The following SLC44A1 variants were observed in gnomAD, a reference collection of about 807,000 sequenced individuals.
SLC44A1 encodes solute carrier family 44 member 1.
SLC44A1 carries 26 observed loss-of-function variants against 79.3 expected under a neutral mutation model. The observed-to-expected ratio is 0.33, with a 90% CI of 0.24 to 0.46. SLC44A1 has a LOEUF of 0.46. Ranked by LOEUF, SLC44A1 falls within the 20% of genes least tolerant of loss-of-function variation. The probability of loss-of-function intolerance (pLI) is 1.00; values close to 1 mark genes in which losing one functional copy is unlikely to be tolerated. For missense variants in SLC44A1, 688 were observed against 798.1 expected (o/e 0.86, Z 1.66); for synonymous variants, 263 against 286.2 (o/e 0.92, Z 0.82).
intron 1 of SLC44A1, among the ~76,000 whole-genome samples, chr9:105,290,644 G>A (rs1274728616): frequency 4.3e-4 from 66 of 152,234 alleles, no homozygotes; most frequent in Non-Finnish European, 2.9e-5. Context: ...TGATGCAAGA[G>A]AGACATCTTT....
chr9:105,281,641 CCATCAGGGGCTTG>C lies in SLC44A1; in HGVS notation c.37-17576_37-17564del, dbSNP rs1394756700. Among the ~76,000 whole-genome samples the C allele has an allele frequency of 2.0e-5, 3 of 152,030 alleles. No individual in the cohort carries two copies. The East Asian group carries it at 5.8e-4, about 29-fold the overall frequency. On this transcript the variant is annotated intron_variant, in intron 1 of 15. Coordinates refer to ENST00000374720, the MANE Select transcript of SLC44A1 (RefSeq NM_080546.5). ...TGCCATGTTTGTTGACATAGGGCTT[CCATCAGGGGCTTG>C]CACTTTTTATTCTACAGTGGATGAC... is the stretch of plus-strand genomic sequence containing the variant.
intron 3 of SLC44A1, among the ~76,000 whole-genome samples, chr9:105,333,968 G>A (rs1192724338): frequency 6.6e-6 from 1 of 152,148 alleles, no homozygotes; most frequent in Non-Finnish European, 1.5e-5. Flanking sequence ...ATCTGTCTTT[G>A]TGCAATTCAT....
In SLC44A1 at chr9:105,389,533, G is replaced by T; in HGVS notation, c.*477G>T. The T allele has an allele frequency of 9.4e-7, 1 of 1,067,186 alleles. No homozygotes were observed. 66.1% of individuals were successfully genotyped at this position (1,067,186 alleles called of 1,614,324 possible). A position where few individuals can be genotyped will look rare whatever the true frequency, so the allele number is the denominator to read the frequency against. On this transcript the variant is annotated 3_prime_UTR_variant, in exon 16 of 16. Coordinates refer to ENST00000374720, the MANE Select transcript of SLC44A1 (RefSeq NM_080546.5). ...CCTAGTGGGTCAAGACTAGGCATAT[G>T]CTTTCAGATAAATAAGGAATTACTC...
chr9:105,369,647 A>G (rs1173965126), intron 12 of SLC44A1, among the ~76,000 whole-genome samples: 1 of 152,210 alleles, frequency 6.6e-6, no homozygotes, highest in Non-Finnish European at 1.5e-5. Context: ...ATCCACACAG[A>G]ACTGCACATA....
chr9:105,427,227 C>G (rs1005767266), intron 15 of SLC44A1, among the ~76,000 whole-genome samples: 1 of 152,206 alleles, frequency 6.6e-6, no homozygotes, highest in Non-Finnish European at 1.5e-5. Context: ...GCCACTGCAC[C>G]TGGCCTATCT....
At chr9:105,436,601 T>A (rs535708212) in intron 15 of SLC44A1, among the ~76,000 whole-genome samples, 1 of 152,092 alleles carries the variant, frequency 6.6e-6, no homozygotes, top group Admixed American at 6.5e-5. Flanking sequence ...ATAAATAAAA[T>A]GAAACTGGTA....
chr9:105,324,072 G>A (rs961973457), intron 3 of SLC44A1, among the ~76,000 whole-genome samples: 1 of 152,016 alleles, frequency 6.6e-6, no homozygotes, highest in Non-Finnish European at 1.5e-5. Context: ...TGCGATCTAG[G>A]CTCACTGCAA....
chr9:105,325,841 G>T (rs955063396), intron 3 of SLC44A1, among the ~76,000 whole-genome samples: 6 of 152,178 alleles, frequency 3.9e-5, no homozygotes, highest in African/African-American at 1.4e-4. Flanking sequence ...GTAATGAGAT[G>T]AACAACTCCG....
At position 105,394,997 on chromosome 9, in the gene SLC44A1, G is replaced by A. The variant is rs41316536; in HGVS notation, c.*5941G>A. ...GTAAGGGTGCTGCATCTACATGGAAGGCTCCCTGGGCCCTTGAAAAAGCAG... is the reference window on the plus strand; with the variant it reads ...GTAAGGGTGCTGCATCTACATGGAAAGCTCCCTGGGCCCTTGAAAAAGCAG... On this transcript the variant is annotated 3_prime_UTR_variant, in exon 16 of 16. Coordinates refer to ENST00000374720, the MANE Select transcript of SLC44A1 (RefSeq NM_080546.5). 5.0e-4 allele frequency: 488 copies of A among 985,440 alleles called. No individual in the cohort carries two copies. The highest frequency in any genetic ancestry group is 5.7e-4 in the Non-Finnish European group (471 of 829,956). 61.0% of individuals were successfully genotyped at this position (985,440 alleles called of 1,614,324 possible).
At chr9:105,268,802 A>G (rs1209949500) in intron 1 of SLC44A1, among the ~76,000 whole-genome samples, 1 of 152,048 alleles carries the variant, frequency 6.6e-6, no homozygotes, top group Non-Finnish European at 1.5e-5. Flanking sequence ...CTGGCCAACA[A>G]TTTTCTTAAA....
intron 1 of SLC44A1, among the ~76,000 whole-genome samples, chr9:105,262,015 C>T (rs1350849063): frequency 6.6e-6 from 1 of 151,948 alleles, no homozygotes; most frequent in Non-Finnish European, 1.5e-5. Context: ...AACTCCTGAC[C>T]TCAGGTGATC....
At chr9:105,383,501 G>C (rs1828539750) in intron 14 of SLC44A1, 142 bp downstream of exon 14, 6 of 626,316 alleles carry the variant, frequency 9.6e-6, no homozygotes, top group Non-Finnish European at 1.7e-5. Context: ...TCATAAATGA[G>C]GTTAATCTAG....
intron 2 of SLC44A1, among the ~76,000 whole-genome samples, chr9:105,307,151 A>G (rs775224911): frequency 7.9e-5 from 12 of 152,174 alleles, no homozygotes; most frequent in Non-Finnish European, 1.3e-4. Context: ...TCGGATATGC[A>G]TTATTTCATT....
chr9:105,377,174 A>G (rs571570091), intron 13 of SLC44A1, among the ~76,000 whole-genome samples: 18 of 152,348 alleles, frequency 1.2e-4, no homozygotes, highest in Middle Eastern at 3.4e-3. Flanking sequence ...TGGGAATAAT[A>G]GTCAATAGAC....
intron 11 of SLC44A1, 52 bp from the exon 12 acceptor site, chr9:105,366,294 T>C: frequency 1.1e-6 from 1 of 939,606 alleles, no homozygotes; most frequent in Middle Eastern, 2.3e-4. Flanking sequence ...GTCTTCTATG[T>C]GACAGTTTGA....
chr9:105,245,100 C>T (rs1026652688), intron 1 of SLC44A1, among the ~76,000 whole-genome samples, 196 bp downstream of exon 1: 1 of 152,034 alleles, frequency 6.6e-6, no homozygotes, highest in Non-Finnish European at 1.5e-5. Context: ...CGGCTGCCGA[C>T]TCAAAGGCGC....
At chr9:105,355,185 G>A (rs1391750961) in intron 5 of SLC44A1, among the ~76,000 whole-genome samples, 2 of 152,170 alleles carry the variant, frequency 1.3e-5, no homozygotes, top group African/African-American at 2.4e-5. Context: ...CATAGAATCC[G>A]AGTAAATCAC....
chr9:105,255,252 GT>G (rs1280368807), intron 1 of SLC44A1, among the ~76,000 whole-genome samples: 1 of 151,920 alleles, frequency 6.6e-6, no homozygotes, highest in Non-Finnish European at 1.5e-5. Flanking sequence ...GTTCAATCTT[GT>G]TAACAACCAA....
At chr9:105,374,454 T>C in intron 12 of SLC44A1, 144 bp from the exon 13 acceptor site, 2 of 610,042 alleles carry the variant, frequency 3.3e-6, no homozygotes, top group Non-Finnish European at 2.8e-6. Flanking sequence ...TTTCTTGTAC[T>C]CAGTCTCGAT....
Sources: gnomAD v4.1 joint callset for allele counts (sites outside exome capture counted in the v4.1 genomes callset) on GRCh38, gnomAD v4.1.1 for gene constraint, MANE v1.5 for transcripts, NCBI Gene and HGNC (gene_info 2026-07-23, HGNC 2026-07-21) for gene names.